The following FSIP1 variants were observed in gnomAD, a reference collection of about 807,000 sequenced individuals.
The protein encoded by FSIP1 is fibrous sheath interacting protein 1.
A neutral mutation model predicts 60.9 loss-of-function variants in FSIP1; 65 were observed. That is an observed-to-expected ratio of 1.07 (90% CI 0.87 to 1.31). The LOEUF is 1.31. Among genes scored for constraint, FSIP1 ranks in the 40% most tolerant of loss-of-function variants. The probability of loss-of-function intolerance (pLI) is 0.00; values close to 1 mark genes in which losing one functional copy is unlikely to be tolerated. For missense variants in FSIP1, 675 were observed against 665.5 expected (o/e 1.01, Z -0.16); for synonymous variants, 209 against 221.2 (o/e 0.94, Z 0.49).
intron 9 of FSIP1, among the ~76,000 whole-genome samples, chr15:39,716,219 T>C (rs991917490): frequency 6.6e-6 from 1 of 152,202 alleles, no homozygotes. Context: ...ACACCAGCTA[T>C]GAAGTAGGAC....
Position 39,617,776 on chromosome 15 carries a change from T to A in FSIP1, c.1658A>T (p.Asp553Val). ...TGGAGAACTGAGTTTCAGATGTTGG[T>A]CTTCTGATGAAAGGCTCACACTGAT... ...YGISVSLSSE[D>V]QHLKLSSPEN... The change falls in exon 11 of 12, where the codon GAC (aspartate) becomes GTC (valine). Residue 553 changes from aspartate (D) to valine (V), a missense_variant. By Grantham distance (152) the Asp-to-Val change is radical. Transcript: ENST00000350221. The A allele has an allele frequency of 6.2e-7, 1 of 1,613,864 alleles. No homozygotes were observed. The highest frequency in any genetic ancestry group is 1.3e-5 in the African/African-American group (1 of 75,026).
At chr15:39,710,547 T>C (rs1895464230) in intron 10 of FSIP1, among the ~76,000 whole-genome samples, 1 of 151,898 alleles carries the variant, frequency 6.6e-6, no homozygotes, top group Non-Finnish European at 1.5e-5. Flanking sequence ...CACAAAACTA[T>C]GAAAATTAAA....
At chr15:39,618,287 G>A in intron 10 of FSIP1, 42 bp from the exon 11 acceptor site, 1 of 1,508,072 alleles carries the variant, frequency 6.6e-7, no homozygotes, top group Non-Finnish European at 9.0e-7. Context: ...AGTTGACTGA[G>A]TAAACACATT....
At chr15:39,733,638 C>T (rs879376333) in intron 8 of FSIP1, among the ~76,000 whole-genome samples, 13 of 152,112 alleles carry the variant, frequency 8.5e-5, no homozygotes, top group African/African-American at 1.2e-4. Context: ...CAAATGGCTA[C>T]GCGATACAGC....
At chr15:39,726,873 A>ACACACAC in intron 8 of FSIP1, 126 bp from the exon 9 acceptor site, 1 of 568,668 alleles carries the variant, frequency 1.8e-6, no homozygotes, top group Non-Finnish European at 2.9e-6. Flanking sequence ...ACACACACAC[A>ACACACAC]ACACACACAA....
chr15:39,721,854 G>T (rs1895995585), intron 9 of FSIP1, among the ~76,000 whole-genome samples: 1 of 152,178 alleles, frequency 6.6e-6, no homozygotes, highest in African/African-American at 2.4e-5. Flanking sequence ...TAGAAATTTG[G>T]ATTTTTATAG....
In FSIP1 at chr15:39,695,791, C is replaced by A. The variant is rs193267201; in HGVS notation, c.1188+17653G>T. Reference sequence around the variant, plus strand: ...AGAGATAGAATAAATAAAAATTAAACCAGTGAGCTTACTACTTCTTGCTAA... The same window carrying A: ...AGAGATAGAATAAATAAAAATTAAAACAGTGAGCTTACTACTTCTTGCTAA... On this transcript the variant is annotated intron_variant, in intron 10 of 11. Coordinates refer to ENST00000350221, the MANE Select transcript of FSIP1 (RefSeq NM_152597.5). Among the ~76,000 whole-genome samples, 531 of 152,292 alleles carry A rather than the reference C, an allele frequency of 3.5e-3. 3 individuals carry two copies. Among genetic ancestry groups the A allele is most frequent in the African/African-American group, 0.012 (507 of 41,552 alleles).
At chr15:39,727,875 T>C (rs1466025225) in intron 8 of FSIP1, among the ~76,000 whole-genome samples, 3 of 152,146 alleles carry the variant, frequency 2.0e-5, no homozygotes, top group East Asian at 3.8e-4. Context: ...CATGATTCTA[T>C]ACCTAAAAAC....
At chr15:39,676,090 G>A (rs1445013404) in intron 10 of FSIP1, among the ~76,000 whole-genome samples, 11 of 148,400 alleles carry the variant, frequency 7.4e-5, no homozygotes, top group South Asian at 2.1e-4. Context: ...GAAGAATGGC[G>A]TGAACCCGGA....
In FSIP1 at chr15:39,744,777, TCACACA is replaced by T. The variant is rs55691651; in HGVS notation, c.560-2883_560-2878del. Among the ~76,000 whole-genome samples the T allele has an allele frequency of 8.7e-5, 12 of 138,048 alleles. 1 individual carries two copies. Among genetic ancestry groups the T allele is most frequent in the South Asian group, 2.4e-4 (1 of 4,180 alleles). 90.6% of individuals were successfully genotyped at this position (138,048 alleles called of 152,430 possible). On this transcript the variant is annotated intron_variant, in intron 5 of 11. Coordinates refer to ENST00000350221, the MANE Select transcript of FSIP1 (RefSeq NM_152597.5). ...CTCTCTCTCTCTCTCTCCCCCTCAGTCACACACACACACACACACACACACACACAC... is the reference window on the plus strand; with the variant it reads ...CTCTCTCTCTCTCTCTCCCCCTCAGTCACACACACACACACACACACACAC...
chr15:39,768,476 T>G (rs1897765382), intron 3 of FSIP1, among the ~76,000 whole-genome samples: 1 of 152,252 alleles, frequency 6.6e-6, no homozygotes, highest in Non-Finnish European at 1.5e-5. Flanking sequence ...CTAATTATGT[T>G]AACATAAGTA....
chr15:39,662,824 G>A (rs1220398632), intron 10 of FSIP1, among the ~76,000 whole-genome samples: 1 of 151,914 alleles, frequency 6.6e-6, no homozygotes, highest in East Asian at 1.9e-4. Flanking sequence ...TAGCACTCAG[G>A]AAAGGCAAAC....
At chr15:39,699,140 C>G (rs1171855672) in intron 10 of FSIP1, among the ~76,000 whole-genome samples, 1 of 152,166 alleles carries the variant, frequency 6.6e-6, no homozygotes, top group Non-Finnish European at 1.5e-5. Context: ...CAGGAGACTT[C>G]TGCTTTTATC....
intron 8 of FSIP1, among the ~76,000 whole-genome samples, chr15:39,733,387 C>A (rs975006642): frequency 2.0e-5 from 3 of 152,184 alleles, no homozygotes; most frequent in Non-Finnish European, 4.4e-5. Flanking sequence ...AGCAGCAGAA[C>A]AACATGGTTG....
chr15:39,665,319 A>C (rs73393273), intron 10 of FSIP1, among the ~76,000 whole-genome samples: 5,796 of 152,274 alleles, frequency 0.038, 394 homozygotes, highest in African/African-American at 0.13. Context: ...GAATGAGCTC[A>C]AGAGAGTTTC....
intron 10 of FSIP1, among the ~76,000 whole-genome samples, chr15:39,682,338 C>T (rs973838422): frequency 2.6e-5 from 4 of 152,084 alleles, no homozygotes; most frequent in African/African-American, 9.7e-5. Context: ...CAAACCAAAA[C>T]CTACATATTT....
intron 11 of FSIP1, among the ~76,000 whole-genome samples, chr15:39,607,911 G>C (rs924795425): frequency 6.6e-6 from 1 of 152,194 alleles, no homozygotes; most frequent in Admixed American, 6.5e-5. Context: ...AAATGTAACA[G>C]CCAAACACGC....
intron 8 of FSIP1, among the ~76,000 whole-genome samples, chr15:39,731,984 G>T (rs1595672883): frequency 6.6e-6 from 1 of 152,146 alleles, no homozygotes; most frequent in African/African-American, 2.4e-5. Context: ...TTGGCCCCAG[G>T]GACAGGTTTC....
rs532955690 is a variant in FSIP1 at position 39,623,611 on chromosome 15, C to A, written c.1189-5366G>T. On this transcript the variant is annotated intron_variant, in intron 10 of 11. Coordinates refer to ENST00000350221, the MANE Select transcript of FSIP1 (RefSeq NM_152597.5). ...TTGCAACCACTACTGGCAACACCTCCGTAGTAGTCTATTTTAGTCAAGGTT... is the reference window on the plus strand; with the variant it reads ...TTGCAACCACTACTGGCAACACCTCAGTAGTAGTCTATTTTAGTCAAGGTT... Among the ~76,000 whole-genome samples, 70 of 152,242 alleles carry A rather than the reference C, an allele frequency of 4.6e-4. No individual in the cohort carries two copies. The South Asian group carries it at 0.014, about 31-fold the overall frequency.
Sources: allele counts gnomAD v4.1 joint callset (sites outside exome capture counted in the v4.1 genomes callset), GRCh38; gene constraint gnomAD v4.1.1; transcripts MANE v1.5; gene names NCBI Gene and HGNC (gene_info 2026-07-23, HGNC 2026-07-21).